Variants in NXPH1 observed in about 807,000 individuals in gnomAD.
NXPH1 encodes the protein neurexophilin-1.
In NXPH1, 5 loss-of-function variants were observed where a neutral mutation model predicts 23.7. The observed-to-expected ratio is 0.21, with a 90% CI of 0.11 to 0.44. The LOEUF (loss-of-function observed/expected upper bound fraction) is 0.44, where lower values mean the gene tolerates loss of function less well. NXPH1 is among the 20% of genes least tolerant of loss of function. The pLI is 0.99. For synonymous variants in NXPH1, 144 were observed against 122.2 expected (o/e 1.18, Z -1.18); for missense variants, 324 against 321.6 (o/e 1.01, Z -0.06).
chr7:8,494,717 G>A (rs913859949), intron 2 of NXPH1, among the ~76,000 whole-genome samples: 1 of 152,008 alleles, frequency 6.6e-6, no homozygotes, highest in Non-Finnish European at 1.5e-5. Context: ...GAATTATCCT[G>A]AACTTAAGTC....
At chr7:8,717,941 A>T (rs570489027) in intron 2 of NXPH1, among the ~76,000 whole-genome samples, 1 of 151,436 alleles carries the variant, frequency 6.6e-6, no homozygotes, top group Non-Finnish European at 1.5e-5. Flanking sequence ...ATGTGTATAC[A>T]TATACACATA....
chr7:8,741,748 G>T (rs1478269901), intron 2 of NXPH1, among the ~76,000 whole-genome samples: 9 of 152,044 alleles, frequency 5.9e-5, no homozygotes, highest in Non-Finnish European at 1.0e-4. Flanking sequence ...TTGTAAGAAA[G>T]GAATCTCTGA....
At chr7:8,727,593 G>T (rs184924675) in intron 2 of NXPH1, among the ~76,000 whole-genome samples, 5 of 152,192 alleles carry the variant, frequency 3.3e-5, no homozygotes, top group Admixed American at 2.6e-4. Context: ...ATTAAATAGG[G>T]AATCCTTTCC....
At chr7:8,685,307 A>C (rs1821130767) in intron 2 of NXPH1, among the ~76,000 whole-genome samples, 1 of 151,750 alleles carries the variant, frequency 6.6e-6, no homozygotes, top group Admixed American at 6.6e-5. Context: ...GCTTATTAAA[A>C]TGTATCCTTT....
At chr7:8,456,507 C>T (rs1429237611) in intron 2 of NXPH1, among the ~76,000 whole-genome samples, 1 of 152,132 alleles carries the variant, frequency 6.6e-6, no homozygotes, top group Non-Finnish European at 1.5e-5. Flanking sequence ...AATGGAATTG[C>T]AGGTTTAAGG....
chr7:8,526,361 C>T (rs750035571), intron 2 of NXPH1, among the ~76,000 whole-genome samples: 10 of 152,032 alleles, frequency 6.6e-5, no homozygotes, highest in Non-Finnish European at 1.0e-4. Context: ...GGCTCATAGG[C>T]GGAAGGGACT....
chr7:8,484,357 G>A (rs777186476), intron 2 of NXPH1, among the ~76,000 whole-genome samples: 26 of 151,844 alleles, frequency 1.7e-4, no homozygotes, highest in Admixed American at 8.5e-4. Flanking sequence ...TTTATTCACC[G>A]TAGCTGGTCT....
intron 2 of NXPH1, among the ~76,000 whole-genome samples, chr7:8,690,926 T>A (rs6947761): frequency 2.0e-5 from 3 of 152,034 alleles, no homozygotes; most frequent in East Asian, 1.9e-4. Flanking sequence ...GCACTGCTCC[T>A]TTGCCATTCA....
At chr7:8,681,815 G>A (rs982606520) in intron 2 of NXPH1, among the ~76,000 whole-genome samples, 19 of 152,150 alleles carry the variant, frequency 1.2e-4, no homozygotes, top group African/African-American at 4.6e-4. Flanking sequence ...GGCCTATCTG[G>A]CCTACCACAT....
In NXPH1 at chr7:8,444,173, C is replaced by T. The variant is rs535883133; in HGVS notation, c.54+8406C>T. ...ATAGGAGTCAATCCTTTTCTTGTCA[C>T]CCGATTCTGCAAATTCTCGCTGTAT... On this transcript the variant is annotated intron_variant, in intron 2 of 2. Transcript: ENST00000405863. 9.2e-5 allele frequency among the ~76,000 whole-genome samples: 14 copies of T among 152,210 alleles called. No individual in the cohort carries two copies. The South Asian group carries it at 1.4e-3, about 16-fold the overall frequency.
intron 2 of NXPH1, among the ~76,000 whole-genome samples, chr7:8,485,980 C>T (rs114027923): frequency 0.01 from 1,549 of 152,196 alleles, 23 homozygotes; most frequent in African/African-American, 0.035. Context: ...TTCAACTTAC[C>T]TGGTGTTCCC....
chr7:8,710,864 G>A (rs899358589), intron 2 of NXPH1, among the ~76,000 whole-genome samples: 5 of 116,388 alleles, frequency 4.3e-5, no homozygotes, highest in African/African-American at 9.5e-5. Flanking sequence ...GGGTTTCACC[G>A]TGTTAGCCAG....
At chr7:8,683,615 A>T (rs1163341712) in intron 2 of NXPH1, among the ~76,000 whole-genome samples, 1 of 152,154 alleles carries the variant, frequency 6.6e-6, no homozygotes, top group Non-Finnish European at 1.5e-5. Flanking sequence ...ATAGTCTCTA[A>T]ATATCTTTAA....
chr7:8,528,245 G>T (rs1212626933), intron 2 of NXPH1, among the ~76,000 whole-genome samples: 1 of 152,244 alleles, frequency 6.6e-6, no homozygotes, highest in Non-Finnish European at 1.5e-5. Flanking sequence ...GTGCCCACCA[G>T]CAGTGGCACA....
intron 2 of NXPH1, among the ~76,000 whole-genome samples, chr7:8,597,765 G>GC (rs1481078120): frequency 6.6e-6 from 1 of 151,768 alleles, no homozygotes; most frequent in African/African-American, 2.4e-5. Flanking sequence ...TTGGCAACAT[G>GC]CCTTACTACT....
chr7:8,589,592 A>G lies in NXPH1; in HGVS notation c.54+153825A>G, dbSNP rs1014928184. On this transcript the variant is annotated intron_variant, in intron 2 of 2. Coordinates refer to ENST00000405863, the MANE Select transcript of NXPH1 (RefSeq NM_152745.3). Reference sequence around the variant, plus strand: ...TCTGATGCTGGACTCCAGGGGCAGGAGACAAGAGCATTGGTCATGCAGACA... The same window carrying G: ...TCTGATGCTGGACTCCAGGGGCAGGGGACAAGAGCATTGGTCATGCAGACA... Among the ~76,000 whole-genome samples the G allele has an allele frequency of 8.5e-5, 13 of 152,208 alleles. No individual in the cohort carries two copies. The South Asian group carries it at 2.5e-3, about 29-fold the overall frequency.
chr7:8,551,078 A>G (rs1238329303), intron 2 of NXPH1, among the ~76,000 whole-genome samples: 1 of 151,532 alleles, frequency 6.6e-6, no homozygotes, highest in African/African-American at 2.4e-5. Flanking sequence ...GAAATATCTT[A>G]GTTTTTTAAA....
intron 2 of NXPH1, among the ~76,000 whole-genome samples, chr7:8,649,859 A>G (rs758079579): frequency 6.6e-6 from 1 of 152,196 alleles, no homozygotes; most frequent in Non-Finnish European, 1.5e-5. Context: ...CTAATCTACC[A>G]TCTTGACAGA....
rs189113736 is a variant in NXPH1, at chr7:8,658,738, G to A, written c.55-92270G>A. Among the ~76,000 whole-genome samples, 499 of 151,958 alleles carry A rather than the reference G, an allele frequency of 3.3e-3. 5 individuals carry two copies. Among genetic ancestry groups the A allele is most frequent in the Non-Finnish European group, 3.4e-3 (234 of 67,974 alleles). On this transcript the variant is annotated intron_variant, in intron 2 of 2. Transcript: ENST00000405863. ...TAGTGTTACGTATCGTCCTTCTTTT[G>A]GTTGCTTACACTCTAGTAGAAAAAA...
Sources: allele counts gnomAD v4.1 joint callset (sites outside exome capture counted in the v4.1 genomes callset), GRCh38; gene constraint gnomAD v4.1.1; transcripts MANE v1.5; gene names NCBI Gene and HGNC (gene_info 2026-07-23, HGNC 2026-07-21).